Variants in PTPN13 observed in about 807,000 individuals in gnomAD.
PTPN13 encodes the protein tyrosine-protein phosphatase non-receptor type 13.
PTPN13 carries 191 observed loss-of-function variants against 284.0 expected under a neutral mutation model. The observed-to-expected ratio is 0.67, with a 90% CI of 0.60 to 0.76. The LOEUF (loss-of-function observed/expected upper bound fraction) is 0.76, where lower values mean the gene tolerates loss of function less well. Among genes scored for constraint, PTPN13 ranks in the 30% least tolerant of loss-of-function variants. The probability of loss-of-function intolerance (pLI) is 0.00; values close to 1 mark genes in which losing one functional copy is unlikely to be tolerated. For synonymous variants in PTPN13, 986 were observed against 1,022.3 expected (o/e 0.96, Z 0.68); for missense variants, 2,797 against 2,939.9 (o/e 0.95, Z 1.12).
intron 1 of PTPN13, among the ~76,000 whole-genome samples, chr4:86,629,082 C>A (rs1488300245): frequency 6.6e-6 from 1 of 151,090 alleles, no homozygotes; most frequent in African/African-American, 2.4e-5. Context: ...GCAACAAAAG[C>A]CAAAATTGAC....
intron 3 of PTPN13, among the ~76,000 whole-genome samples, chr4:86,674,094 G>C (rs1270932370): frequency 6.6e-6 from 1 of 152,152 alleles, no homozygotes; most frequent in Non-Finnish European, 1.5e-5. Flanking sequence ...GTTTAAAATA[G>C]AAGTATCCAG....
In PTPN13 at chr4:86,701,637, AC is replaced by A; in HGVS notation, c.1032del (p.Ser345GlnfsTer5). 2 of 1,613,946 alleles carry A rather than the reference AC, an allele frequency of 1.2e-6. No individual in the cohort carries two copies. The highest frequency in any genetic ancestry group is 1.7e-6 in the Non-Finnish European group (2 of 1,179,864). ...STTPRKKEAR[Y>X]SDGSIALDIF... Reference sequence around the variant, plus strand: ...ACTCCTAGAAAAAAGGAGGCAAGATACTCAGATGGAAGTATAGCCTTGGATA... The same window carrying A: ...ACTCCTAGAAAAAAGGAGGCAAGATATCAGATGGAAGTATAGCCTTGGATA... On this transcript the variant is annotated frameshift_variant, in exon 7 of 48. Coordinates refer to ENST00000411767, the MANE Select transcript of PTPN13 (RefSeq NM_080683.3). LOFTEE classifies it high-confidence loss of function.
At chr4:86,668,501 A>G (rs1352978231) in intron 2 of PTPN13, among the ~76,000 whole-genome samples, 1 of 152,164 alleles carries the variant, frequency 6.6e-6, no homozygotes, top group Admixed American at 6.5e-5. Context: ...TTTGACAGCA[A>G]TGTAGTTTGT....
chr4:86,656,701 G>T (rs571684040), intron 2 of PTPN13, among the ~76,000 whole-genome samples: 1 of 152,196 alleles, frequency 6.6e-6, no homozygotes, highest in Non-Finnish European at 1.5e-5. Context: ...CAGTCTGTCT[G>T]TTCTCAGATC....
At position 86,785,904 on chromosome 4, in the gene PTPN13, G is replaced by A. The variant is rs201581281; in HGVS notation, c.6313G>A (p.Asp2105Asn). The A allele has an allele frequency of 5.8e-6, 9 of 1,563,854 alleles. No homozygotes were observed. The South Asian group carries it at 5.9e-5, about 10-fold the overall frequency. Residue 2105 changes from aspartate (D) to asparagine (N), a missense_variant, in exon 40 of 48, where the codon GAT becomes AAT. Physicochemically the swap from Asp to Asn is conservative, Grantham distance 23. Coordinates refer to ENST00000411767, the MANE Select transcript of PTPN13 (RefSeq NM_080683.3). ...AGAGAGAACAGAAGATACAGACTGC[G>A]ATGGTTCACCTTTACCTGAGTATTT... ...SEERTEDTDCDGSPLPEYFTE... is the reference protein window; with the variant it reads ...SEERTEDTDCNGSPLPEYFTE...
intron 1 of PTPN13, among the ~76,000 whole-genome samples, chr4:86,618,998 T>C (rs1374664472): frequency 6.6e-6 from 1 of 152,174 alleles, no homozygotes; most frequent in Non-Finnish European, 1.5e-5. Flanking sequence ...TGCATCCCTG[T>C]CTTGTGCCAG....
intron 1 of PTPN13, among the ~76,000 whole-genome samples, chr4:86,629,820 G>A (rs1370092596): frequency 6.6e-6 from 1 of 151,834 alleles, no homozygotes; most frequent in East Asian, 1.9e-4. Flanking sequence ...GTGGAGTGGT[G>A]CAATTATAGC....
At chr4:86,746,282 A>G (rs994381559) in intron 17 of PTPN13, among the ~76,000 whole-genome samples, 5 of 152,216 alleles carry the variant, frequency 3.3e-5, no homozygotes, top group Admixed American at 3.3e-4. Flanking sequence ...ATTATACAAA[A>G]TCTAATTCTA....
chr4:86,690,828 G>A (rs1416996299), intron 5 of PTPN13, among the ~76,000 whole-genome samples: 1 of 151,812 alleles, frequency 6.6e-6, no homozygotes, highest in African/African-American at 2.4e-5. Context: ...TTAAGGTTTA[G>A]CATTTAGTTC....
At chr4:86,772,092 T>G (rs1256390415) in intron 31 of PTPN13, among the ~76,000 whole-genome samples, 1 of 152,246 alleles carries the variant, frequency 6.6e-6, no homozygotes, top group Non-Finnish European at 1.5e-5. Flanking sequence ...TTATCCAAAA[T>G]AACCACAGGA....
intron 6 of PTPN13, among the ~76,000 whole-genome samples, chr4:86,698,997 C>A (rs1303394985): frequency 3.3e-5 from 5 of 152,032 alleles, no homozygotes; most frequent in Non-Finnish European, 7.4e-5. Flanking sequence ...GAAGTAAAGT[C>A]TTTGATAAAG....
intron 25 of PTPN13, 123 bp from the exon 26 acceptor site, chr4:86,765,272 A>G: frequency 1.5e-6 from 1 of 659,682 alleles, no homozygotes; most frequent in South Asian, 1.9e-5. Context: ...AATATACTGT[A>G]CATCAGCACA....
At chr4:86,694,488 G>A (rs1031540668) in intron 6 of PTPN13, among the ~76,000 whole-genome samples, 13 of 148,296 alleles carry the variant, frequency 8.8e-5, no homozygotes, top group Admixed American at 4.8e-4. Context: ...GCTGAGACAG[G>A]AGAATCTTGA....
intron 23 of PTPN13, among the ~76,000 whole-genome samples, chr4:86,759,847 C>G (rs953381379): frequency 6.6e-6 from 1 of 152,088 alleles, no homozygotes; most frequent in African/African-American, 2.4e-5. Context: ...ACATATGAAG[C>G]ATTTAAATGT....
intron 44 of PTPN13, among the ~76,000 whole-genome samples, chr4:86,805,722 T>G (rs1744577690): frequency 6.6e-6 from 1 of 152,216 alleles, no homozygotes; most frequent in Admixed American, 6.5e-5. Flanking sequence ...GATTCATTTA[T>G]CACAACCACC....
At chr4:86,794,548 T>A (rs1471731552) in intron 40 of PTPN13, among the ~76,000 whole-genome samples, 1 of 152,172 alleles carries the variant, frequency 6.6e-6, no homozygotes, top group Non-Finnish European at 1.5e-5. Context: ...AAAAAACTAC[T>A]TTAAAGTTCA....
intron 1 of PTPN13, among the ~76,000 whole-genome samples, chr4:86,597,079 G>A (rs1291258450): frequency 6.6e-6 from 1 of 151,884 alleles, no homozygotes; most frequent in Non-Finnish European, 1.5e-5. Context: ...ACAAGGTAGG[G>A]GCCTGAGAAA....
chr4:86,597,362 A>G (rs1763908766), intron 1 of PTPN13, among the ~76,000 whole-genome samples: 1 of 152,120 alleles, frequency 6.6e-6, no homozygotes. Context: ...CTCAGCCCCC[A>G]AAGTAGCAGG....
chr4:86,635,717 A>T (rs2148723950), intron 2 of PTPN13, among the ~76,000 whole-genome samples: 1 of 152,234 alleles, frequency 6.6e-6, no homozygotes, highest in African/African-American at 2.4e-5. Flanking sequence ...TGTTCCCAGC[A>T]CTTTGGGAGG....
Sources: allele counts gnomAD v4.1 joint callset (sites outside exome capture counted in the v4.1 genomes callset), GRCh38; gene constraint gnomAD v4.1.1; transcripts MANE v1.5; gene names NCBI Gene and HGNC (gene_info 2026-07-23, HGNC 2026-07-21).